The following KCND3 variants were observed in gnomAD, a reference collection of about 807,000 sequenced individuals.
The protein encoded by KCND3 is A-type voltage-gated potassium channel KCND3.
A neutral mutation model predicts 51.1 loss-of-function variants in KCND3; 9 were observed. The observed-to-expected ratio is 0.18, with a 90% confidence interval of 0.11 to 0.31. The LOEUF is 0.31. KCND3 is among the 10% of genes least tolerant of loss of function. The pLI, the probability that KCND3 is intolerant of heterozygous loss-of-function variation, is 1.00. For missense variants in KCND3, 526 were observed against 903.8 expected (o/e 0.58, Z 5.36); for synonymous variants, 349 against 368.0 (o/e 0.95, Z 0.59).
intron 2 of KCND3, among the ~76,000 whole-genome samples, chr1:111,920,930 T>G (rs1002467923): frequency 4.6e-5 from 7 of 152,194 alleles, no homozygotes; most frequent in African/African-American, 1.7e-4. Context: ...AGTATCCTCT[T>G]TATCTGCCTT....
chr1:111,952,442 G>A (rs184831205), intron 2 of KCND3, among the ~76,000 whole-genome samples: 49 of 152,256 alleles, frequency 3.2e-4, no homozygotes, highest in Admixed American at 1.8e-3. Flanking sequence ...TTGGGGCCTG[G>A]GGCAACTTTG....
At chr1:111,984,949 AC>A (rs1308283571) in intron 1 of KCND3, among the ~76,000 whole-genome samples, 15 of 151,916 alleles carry the variant, frequency 9.9e-5, no homozygotes, top group Non-Finnish European at 1.9e-4. Flanking sequence ...AGCACCTATC[AC>A]CCCGCAGCTA....
chr1:111,817,789 A>G (rs901796300), intron 2 of KCND3, among the ~76,000 whole-genome samples: 7 of 152,204 alleles, frequency 4.6e-5, no homozygotes, highest in African/African-American at 1.7e-4. Flanking sequence ...TAGTGTTGTA[A>G]TCAAGCGAAA....
intron 2 of KCND3, among the ~76,000 whole-genome samples, chr1:111,796,112 A>G (rs545609668): frequency 3.5e-4 from 53 of 152,334 alleles, no homozygotes; most frequent in African/African-American, 1.2e-3. Flanking sequence ...ATAGTTTGCA[A>G]ACATTTTTTT....
chr1:111,967,592 G>A (rs1471877418), intron 2 of KCND3, among the ~76,000 whole-genome samples: 1 of 152,186 alleles, frequency 6.6e-6, no homozygotes, highest in East Asian at 1.9e-4. Context: ...CATTTCTGAT[G>A]GCTGCTTTAG....
chr1:111,841,329 C>T (rs917500710), intron 2 of KCND3, among the ~76,000 whole-genome samples: 7 of 152,228 alleles, frequency 4.6e-5, no homozygotes, highest in African/African-American at 1.7e-4. Context: ...GAACTTCCCT[C>T]GCTGTACATT....
chr1:111,797,428 C>G (rs1016797385), intron 2 of KCND3, among the ~76,000 whole-genome samples: 31 of 152,284 alleles, frequency 2.0e-4, no homozygotes, highest in African/African-American at 5.3e-4. Context: ...ACTTTCCCCC[C>G]CATCCTCCTG....
At chr1:111,801,910 C>A (rs1309647667) in intron 2 of KCND3, among the ~76,000 whole-genome samples, 1 of 152,204 alleles carries the variant, frequency 6.6e-6, no homozygotes, top group Non-Finnish European at 1.5e-5. Flanking sequence ...CACAGGAATC[C>A]TCTCCACGGC....
At position 111,982,252 on chromosome 1, in the gene KCND3, A is replaced by C. The variant is rs1400886941; in HGVS notation, c.475T>G (p.Ser159Ala). The C allele has an allele frequency of 6.2e-7, 1 of 1,613,996 alleles. No individual in the cohort carries two copies. Among genetic ancestry groups the C allele is most frequent in the Non-Finnish European group, 8.5e-7 (1 of 1,179,986 alleles). ...TGGCGGAAGCTGAGCGAGGGCATGG[A>C]CTCCTGGTTGTTCTCCGAGTCGTTG... is the stretch of plus-strand genomic sequence containing the variant. ...DDNDSENNQE[S>A]MPSLSFRQTM... The change falls in exon 2 of 8, where the codon TCC becomes GCC. Residue 159 changes from serine (S) to alanine (A), a missense_variant. Ser to Ala is a moderately conservative substitution (Grantham distance 99). Transcript: ENST00000302127. This position sits in a 1 kb window ranked among gnomAD's most constrained non-coding sequence, Gnocchi z 8.5.
chr1:111,885,660 C>T (rs774162334), intron 2 of KCND3, among the ~76,000 whole-genome samples: 12 of 151,934 alleles, frequency 7.9e-5, no homozygotes, highest in Non-Finnish European at 1.5e-4. Flanking sequence ...TTCCATTTAC[C>T]CTGTTACATT....
At chr1:111,798,766 C>T (rs1022516593) in intron 2 of KCND3, among the ~76,000 whole-genome samples, 8 of 150,388 alleles carry the variant, frequency 5.3e-5, no homozygotes, top group Non-Finnish European at 1.0e-4. Context: ...AAAAGATTAT[C>T]GGTGGAACTG....
chr1:111,868,361 G>C (rs1049599623), intron 2 of KCND3, among the ~76,000 whole-genome samples: 11 of 152,146 alleles, frequency 7.2e-5, no homozygotes, highest in Non-Finnish European at 8.8e-5. Flanking sequence ...CCCAGTGCTC[G>C]TGTTTAGGTA....
intron 3 of KCND3, among the ~76,000 whole-genome samples, chr1:111,781,069 CT>C (rs1664362277): frequency 6.6e-6 from 1 of 152,182 alleles, no homozygotes; most frequent in Admixed American, 6.5e-5. Flanking sequence ...GTTTCATGAC[CT>C]TTATCTACTC....
At chr1:111,960,277 G>A in intron 2 of KCND3, among the ~76,000 whole-genome samples, 1 of 152,190 alleles carries the variant, frequency 6.6e-6, no homozygotes, top group South Asian at 2.1e-4. Context: ...CAGACCCCAT[G>A]TAAATGCTTC....
At chr1:111,965,347 G>A (rs778952122) in intron 2 of KCND3, among the ~76,000 whole-genome samples, 28 of 151,726 alleles carry the variant, frequency 1.8e-4, no homozygotes, top group Non-Finnish European at 3.8e-4. Context: ...GGCAGGAAGA[G>A]GGCAGGATCC....
intron 2 of KCND3, among the ~76,000 whole-genome samples, chr1:111,950,652 G>A (rs1190569348): frequency 1.3e-5 from 2 of 152,234 alleles, no homozygotes. Context: ...GAGAGAATGG[G>A]AGGGCAGGAG....
chr1:111,884,502 G>A (rs1238828152), intron 2 of KCND3, among the ~76,000 whole-genome samples: 1 of 152,176 alleles, frequency 6.6e-6, no homozygotes, highest in Non-Finnish European at 1.5e-5. Flanking sequence ...CAGACCCGAA[G>A]TCATCGCCAG....
intron 2 of KCND3, among the ~76,000 whole-genome samples, chr1:111,799,679 C>T (rs1043029290): frequency 2.0e-5 from 3 of 152,206 alleles, no homozygotes; most frequent in East Asian, 1.9e-4. Flanking sequence ...TGTAGCCCAT[C>T]GCAGAGCGCA....
intron 2 of KCND3, among the ~76,000 whole-genome samples, chr1:111,959,772 G>T (rs1481575928): frequency 1.3e-5 from 2 of 152,086 alleles, no homozygotes; most frequent in African/African-American, 4.8e-5. Context: ...GAGGCTGGAG[G>T]TGCAAAAAAT....
Sources: allele counts gnomAD v4.1 joint callset (sites outside exome capture counted in the v4.1 genomes callset), GRCh38; gene constraint gnomAD v4.1.1; non-coding constraint Gnocchi (gnomAD v3.1); transcripts MANE v1.5; gene names NCBI Gene and HGNC (gene_info 2026-07-23, HGNC 2026-07-21).